Variants in CCSER1 observed in about 807,000 individuals in gnomAD.
CCSER1 encodes serine-rich coiled-coil domain-containing protein 1.
CCSER1 carries 41 observed loss-of-function variants against 82.0 expected under a neutral mutation model. That is an observed-to-expected ratio of 0.50 (90% CI 0.39 to 0.65). The LOEUF (loss-of-function observed/expected upper bound fraction) is 0.65, where lower values mean the gene tolerates loss of function less well. Among genes scored for constraint, CCSER1 ranks in the 30% least tolerant of loss-of-function variants. The probability of loss-of-function intolerance (pLI) is 0.00; values close to 1 mark genes in which losing one functional copy is unlikely to be tolerated. For synonymous variants in CCSER1, 414 were observed against 383.9 expected (o/e 1.08, Z -0.92); for missense variants, 1,119 against 1,064.2 (o/e 1.05, Z -0.72).
chr4:90,611,059 C>CTTTTCTTTTTTTTTTTTTTTTTTTTTTT (rs1303751301), intron 5 of CCSER1, among the ~76,000 whole-genome samples: 2 of 93,808 alleles, frequency 2.1e-5, no homozygotes, highest in Admixed American at 1.2e-4. Context: ...CTTTTCTTTT[C>CTTTTCTTTTTTTTTTTTTTTTTTTTTTT]TTTTTTTTTT....
intron 8 of CCSER1, among the ~76,000 whole-genome samples, chr4:90,831,646 T>A (rs1761125015): frequency 6.6e-6 from 1 of 152,148 alleles, no homozygotes; most frequent in South Asian, 2.1e-4. Flanking sequence ...CTTCATTTCA[T>A]CCTTGAAACT....
chr4:90,930,986 A>G (rs961480662), intron 9 of CCSER1, among the ~76,000 whole-genome samples: 1 of 146,430 alleles, frequency 6.8e-6, no homozygotes, highest in Non-Finnish European at 1.5e-5. Context: ...GTACATATAT[A>G]TTGACATACA....
chr4:90,545,108 C>T (rs1363496221), intron 5 of CCSER1, among the ~76,000 whole-genome samples: 1 of 152,098 alleles, frequency 6.6e-6, no homozygotes, highest in Non-Finnish European at 1.5e-5. Flanking sequence ...ATTTCTGGCT[C>T]TTTGGGTGGA....
intron 10 of CCSER1, among the ~76,000 whole-genome samples, chr4:91,163,130 T>C (rs1731624085): frequency 6.6e-6 from 1 of 152,250 alleles, no homozygotes; most frequent in Non-Finnish European, 1.5e-5. Flanking sequence ...TGGTATGTTG[T>C]GTCTTTGTTC....
intron 10 of CCSER1, among the ~76,000 whole-genome samples, chr4:91,369,305 C>A (rs1286422220): frequency 6.6e-6 from 1 of 152,170 alleles, no homozygotes; most frequent in Non-Finnish European, 1.5e-5. Context: ...AACAGAGATC[C>A]AGCAGATGAC....
chr4:91,037,406 T>A (rs767939383), intron 9 of CCSER1, among the ~76,000 whole-genome samples: 1 of 152,184 alleles, frequency 6.6e-6, no homozygotes, highest in Non-Finnish European at 1.5e-5. Context: ...CTTTCCCCTG[T>A]CCTCCTTCTC....
intron 10 of CCSER1, among the ~76,000 whole-genome samples, chr4:91,348,828 G>T (rs1748251272): frequency 6.6e-6 from 1 of 152,040 alleles, no homozygotes. Context: ...AGCAATTTGG[G>T]TCTCTCATTA....
At chr4:90,589,114 A>G (rs1425331208) in intron 5 of CCSER1, among the ~76,000 whole-genome samples, 1 of 152,196 alleles carries the variant, frequency 6.6e-6, no homozygotes, top group Non-Finnish European at 1.5e-5. Flanking sequence ...AAAGTATGCT[A>G]CAGATGAATT....
chr4:90,618,706 G>A (rs1721755442), intron 5 of CCSER1, among the ~76,000 whole-genome samples: 1 of 151,902 alleles, frequency 6.6e-6, no homozygotes, highest in Admixed American at 6.6e-5. Flanking sequence ...GTAACAAGTG[G>A]CATTTAAAAT....
At chr4:90,421,272 C>T (rs11931957) in intron 4 of CCSER1, among the ~76,000 whole-genome samples, 2,895 of 152,238 alleles carry the variant, frequency 0.019, 43 homozygotes, top group African/African-American at 0.04. Context: ...TTCTGATACT[C>T]TATCTTATTA....
chr4:90,428,693 TG>T (rs1435716628), intron 4 of CCSER1, among the ~76,000 whole-genome samples: 3 of 151,888 alleles, frequency 2.0e-5, no homozygotes, highest in Non-Finnish European at 4.4e-5. Flanking sequence ...GCTGTCTTAT[TG>T]GGTGCAAGAA....
chr4:90,151,822 G>T (rs373712089), intron 1 of CCSER1, among the ~76,000 whole-genome samples: 6 of 152,028 alleles, frequency 3.9e-5, no homozygotes, highest in African/African-American at 1.4e-4. Context: ...CATTTACACA[G>T]TGAAAGATAA....
intron 9 of CCSER1, among the ~76,000 whole-genome samples, chr4:90,933,597 CAT>C (rs1730549521): frequency 1.3e-5 from 2 of 151,482 alleles, no homozygotes; most frequent in Admixed American, 6.6e-5. Flanking sequence ...AATTATATGT[CAT>C]AAAAGTACAA....
intron 5 of CCSER1, among the ~76,000 whole-genome samples, chr4:90,524,196 T>C (rs1773470488): frequency 6.6e-6 from 1 of 152,228 alleles, no homozygotes; most frequent in Admixed American, 6.5e-5. Context: ...TTTCTTACTT[T>C]ATAAAGATAC....
intron 10 of CCSER1, among the ~76,000 whole-genome samples, chr4:91,093,210 C>T (rs769113665): frequency 5.3e-5 from 8 of 152,190 alleles, no homozygotes; most frequent in South Asian, 2.1e-4. Flanking sequence ...GCATATCCTG[C>T]GCATCTTTCT....
chr4:91,195,805 T>C (rs1735357581), intron 10 of CCSER1, among the ~76,000 whole-genome samples: 1 of 152,164 alleles, frequency 6.6e-6, no homozygotes, highest in Non-Finnish European at 1.5e-5. Flanking sequence ...TCATGCAGTC[T>C]TCAGACGCCT....
chr4:91,047,228 G>A (rs751016437), intron 9 of CCSER1, among the ~76,000 whole-genome samples: 2 of 150,620 alleles, frequency 1.3e-5, no homozygotes, highest in Non-Finnish European at 2.9e-5. Flanking sequence ...GATATCCAAA[G>A]CATATATATA....
At chr4:91,180,206 G>A (rs1289063295) in intron 10 of CCSER1, among the ~76,000 whole-genome samples, 2 of 152,166 alleles carry the variant, frequency 1.3e-5, no homozygotes, top group African/African-American at 4.8e-5. Context: ...TGTATGAGGT[G>A]TCAGTCAGCT....
intron 9 of CCSER1, among the ~76,000 whole-genome samples, chr4:91,069,167 AAAAT>A (rs908567923): frequency 9.9e-5 from 15 of 152,222 alleles, no homozygotes; most frequent in East Asian, 5.8e-4. Flanking sequence ...CATCTCAAAA[AAAAT>A]AAATAAAAAA....
Sources: allele counts gnomAD v4.1 joint callset (sites outside exome capture counted in the v4.1 genomes callset), GRCh38; gene constraint gnomAD v4.1.1; transcripts MANE v1.5; gene names NCBI Gene and HGNC (gene_info 2026-07-23, HGNC 2026-07-21).